The following PCSK5 variants were observed in gnomAD, a reference collection of about 807,000 sequenced individuals.
PCSK5 encodes the protein prohormone convertase 5.
A neutral mutation model predicts 233.2 loss-of-function variants in PCSK5; 129 were observed. That is an observed-to-expected ratio of 0.55 (90% CI 0.48 to 0.64). The LOEUF (loss-of-function observed/expected upper bound fraction) is 0.64, where lower values mean the gene tolerates loss of function less well. Ranked by LOEUF, PCSK5 falls within the 30% of genes least tolerant of loss-of-function variation. The probability of loss-of-function intolerance (pLI) is 0.00; values close to 1 mark genes in which losing one functional copy is unlikely to be tolerated. For synonymous variants in PCSK5, 825 were observed against 879.2 expected (o/e 0.94, Z 1.09); for missense variants, 2,076 against 2,430.1 (o/e 0.85, Z 3.06).
intron 20 of PCSK5, among the ~76,000 whole-genome samples, chr9:76,210,705 T>A (rs1300519320): frequency 6.6e-6 from 1 of 152,166 alleles, no homozygotes; most frequent in Non-Finnish European, 1.5e-5. Context: ...GAGAGAACAT[T>A]CTGGCTACAG....
At chr9:75,903,632 G>A (rs931898784) in intron 1 of PCSK5, among the ~76,000 whole-genome samples, 1 of 140,020 alleles carries the variant, frequency 7.1e-6, no homozygotes, top group African/African-American at 2.7e-5. Flanking sequence ...TATAAAATAA[G>A]TATTTAAGGG....
chr9:75,965,153 G>A (rs1253777284), intron 2 of PCSK5, among the ~76,000 whole-genome samples: 2 of 152,196 alleles, frequency 1.3e-5, no homozygotes, highest in East Asian at 3.9e-4. Flanking sequence ...GCCAAGTGAA[G>A]CAATTTGTAG....
At chr9:76,104,376 C>T (rs1831892159) in intron 8 of PCSK5, among the ~76,000 whole-genome samples, 1 of 152,170 alleles carries the variant, frequency 6.6e-6, no homozygotes, top group Non-Finnish European at 1.5e-5. Context: ...CCTTTCTCCT[C>T]CACTCCATCC....
intron 2 of PCSK5, among the ~76,000 whole-genome samples, chr9:75,936,566 A>G (rs967469445): frequency 1.3e-5 from 2 of 152,192 alleles, no homozygotes; most frequent in East Asian, 1.9e-4. Context: ...TTACCTGTTC[A>G]GGTTTTATCA....
chr9:76,358,153 A>G (rs1830349117), intron 37 of PCSK5, among the ~76,000 whole-genome samples: 1 of 152,140 alleles, frequency 6.6e-6, no homozygotes, highest in Non-Finnish European at 1.5e-5. Context: ...CATCAGACAT[A>G]GGCTAGGATT....
chr9:76,193,374 G>A (rs763937696), intron 20 of PCSK5: 20 of 1,579,160 alleles, frequency 1.3e-5, no homozygotes, highest in Non-Finnish European at 1.7e-5. Flanking sequence ...AGATTTCTTT[G>A]TTCCTGTAGA....
At chr9:76,321,957 T>C (rs1430649917) in intron 31 of PCSK5, among the ~76,000 whole-genome samples, 1 of 152,158 alleles carries the variant, frequency 6.6e-6, no homozygotes, top group East Asian at 1.9e-4. Flanking sequence ...CTCATCTTTT[T>C]TTTTTCCTTG....
At chr9:76,119,647 A>G (rs1832558276) in intron 9 of PCSK5, among the ~76,000 whole-genome samples, 1 of 151,854 alleles carries the variant, frequency 6.6e-6, no homozygotes, top group Non-Finnish European at 1.5e-5. Context: ...TGAGTTTTTA[A>G]TTTTTAATAT....
intron 7 of PCSK5, among the ~76,000 whole-genome samples, chr9:76,088,556 C>A (rs1831156095): frequency 6.6e-6 from 1 of 152,184 alleles, no homozygotes; most frequent in Non-Finnish European, 1.5e-5. Flanking sequence ...CATATTGTCT[C>A]ATTCAAGTTA....
chr9:76,112,699 A>G (rs1459966089), intron 9 of PCSK5, among the ~76,000 whole-genome samples: 4 of 152,216 alleles, frequency 2.6e-5, no homozygotes, highest in African/African-American at 7.2e-5. Flanking sequence ...TACTCAGGAC[A>G]TAATTCAAAT....
chr9:76,002,495 A>G (rs1488732193), intron 3 of PCSK5, among the ~76,000 whole-genome samples: 1 of 152,214 alleles, frequency 6.6e-6, no homozygotes, highest in East Asian at 1.9e-4. Flanking sequence ...CGAAAATCAT[A>G]CTGATAAGAA....
At chr9:76,102,416 T>C (rs1831802132) in intron 8 of PCSK5, among the ~76,000 whole-genome samples, 1 of 152,188 alleles carries the variant, frequency 6.6e-6, no homozygotes, top group African/African-American at 2.4e-5. Flanking sequence ...TGTGGTAGTT[T>C]TAGAGGAAGC....
rs1355385101 is a variant in PCSK5, at chr9:76,358,810, T to C, written c.5552T>C (p.Val1851Ala). The change falls in exon 38 of 38, where the codon GTC becomes GCC. Residue 1851 changes from valine to alanine, a missense_variant. Transcript: ENST00000674117. ...DYDEDDDDDI[V>A]YMGQDGTVYR... Reference sequence around the variant, plus strand: ...GATGAGGATGATGATGATGACATCGTCTACATGGGCCAGGATGGCACAGTC... The same window carrying C: ...GATGAGGATGATGATGATGACATCGCCTACATGGGCCAGGATGGCACAGTC... The C allele has an allele frequency of 6.2e-7, 1 of 1,612,814 alleles. No homozygotes were observed. The highest frequency in any genetic ancestry group is 1.7e-5 in the Admixed American group (1 of 60,006).
intron 8 of PCSK5, 46 bp from the exon 9 acceptor site, chr9:76,107,205 A>G: frequency 8.8e-7 from 1 of 1,133,698 alleles, no homozygotes; most frequent in Non-Finnish European, 1.3e-6. Context: ...CTTGCAGGTG[A>G]CTCACATTGG....
chr9:75,918,713 A>G (rs530140573), intron 1 of PCSK5, among the ~76,000 whole-genome samples: 1 of 152,326 alleles, frequency 6.6e-6, no homozygotes, highest in South Asian at 2.1e-4. Flanking sequence ...AAATGCTGAA[A>G]TATTTCATTT....
chr9:76,207,067 T>C (rs1825146778), intron 20 of PCSK5, among the ~76,000 whole-genome samples: 1 of 152,122 alleles, frequency 6.6e-6, no homozygotes, highest in African/African-American at 2.4e-5. Flanking sequence ...AATCTCTCAC[T>C]CTACAGTGAG....
At chr9:75,896,273 G>C (rs1318033920) in intron 1 of PCSK5, among the ~76,000 whole-genome samples, 4 of 152,180 alleles carry the variant, frequency 2.6e-5, no homozygotes, top group Non-Finnish European at 5.9e-5. Flanking sequence ...GGAATGGTTT[G>C]TATGTGGTCA....
At chr9:76,190,220 T>C (rs752767760) in intron 20 of PCSK5, among the ~76,000 whole-genome samples, 1 of 152,140 alleles carries the variant, frequency 6.6e-6, no homozygotes, top group Non-Finnish European at 1.5e-5. Flanking sequence ...ATTCTGTGGG[T>C]TTGGACAAAT....
chr9:76,176,966 C>T (rs1198722704), intron 14 of PCSK5, among the ~76,000 whole-genome samples: 2 of 152,122 alleles, frequency 1.3e-5, no homozygotes, highest in African/African-American at 2.4e-5. Flanking sequence ...TGACATGTAA[C>T]GCATAATGGA....
Sources: gnomAD v4.1 joint callset for allele counts (sites outside exome capture counted in the v4.1 genomes callset) on GRCh38, gnomAD v4.1.1 for gene constraint, MANE v1.5 for transcripts, NCBI Gene and HGNC (gene_info 2026-07-23, HGNC 2026-07-21) for gene names.